The following MACC1 variants were observed in gnomAD, a reference collection of about 807,000 sequenced individuals.
MACC1 encodes MET transcriptional regulator MACC1, also known as metastasis-associated in colon cancer protein 1.
Under a neutral mutation model 70.7 loss-of-function variants are expected in MACC1, and 79 were observed. That is an observed-to-expected ratio of 1.12 (90% CI 0.93 to 1.35). The LOEUF (loss-of-function observed/expected upper bound fraction) is 1.35. Ranked by LOEUF, MACC1 falls within the 40% of genes most tolerant of loss-of-function variation. MACC1 has a pLI of 0.00. For missense variants in MACC1, 1,106 were observed against 978.1 expected, an observed-to-expected ratio of 1.13 and a Z score of -1.74; for synonymous variants, 361 against 347.2, an observed-to-expected ratio of 1.04 and a Z score of -0.44.
At position 20,154,356 on chromosome 7, in the gene MACC1, T is replaced by G. The variant is rs12671170; in HGVS notation, c.2183A>C (p.Glu728Ala). 5.3e-3 allele frequency: 8,508 copies of G among 1,613,658 alleles called. 280 individuals are homozygous for G. In the Admixed American group the frequency reaches 0.064, roughly 12 times the overall value. The change falls in exon 6 of 7, where the codon GAG becomes GCG. Residue 728 changes from glutamate (E) to alanine (A), a missense_variant. Coordinates refer to ENST00000400331, the MANE Select transcript of MACC1 (RefSeq NM_182762.4). ...IVALLKMDCQ[E>A]LVARLIQEAA... The stretch of plus-strand genomic sequence containing the variant: ...TTCTTGGATGAGACGTGCGACTAAC[T>G]CTTGGCAATCCATTTTCAGAAGAGC...
chr7:20,177,012 A>T (rs1296033678), intron 1 of MACC1, among the ~76,000 whole-genome samples: 2 of 151,956 alleles, frequency 1.3e-5, no homozygotes, highest in Non-Finnish European at 2.9e-5. Context: ...TGGCAGTTAT[A>T]CAAATCTACA....
At chr7:20,149,232 T>G (rs1217871638) in intron 6 of MACC1, among the ~76,000 whole-genome samples, 3 of 152,132 alleles carry the variant, frequency 2.0e-5, no homozygotes. Flanking sequence ...AACTGCTAAC[T>G]TTTTCCTTAC....
At chr7:20,181,752 T>C (rs961419186) in intron 1 of MACC1, among the ~76,000 whole-genome samples, 3 of 152,108 alleles carry the variant, frequency 2.0e-5, no homozygotes, top group Non-Finnish European at 2.9e-5. Flanking sequence ...GTTAATTTCC[T>C]TCACAGTAAC....
intron 1 of MACC1, among the ~76,000 whole-genome samples, chr7:20,191,874 T>C (rs970735676): frequency 2.0e-5 from 3 of 152,214 alleles, no homozygotes; most frequent in African/African-American, 7.2e-5. Flanking sequence ...GCACACCTAC[T>C]GTCTTCAATG....
chr7:20,172,900 G>A (rs891952779), intron 1 of MACC1, among the ~76,000 whole-genome samples: 2 of 152,148 alleles, frequency 1.3e-5, no homozygotes, highest in East Asian at 3.9e-4. Flanking sequence ...CTGGGGAGAC[G>A]GGAAAAAGCC....
intron 1 of MACC1, among the ~76,000 whole-genome samples, chr7:20,188,044 C>T (rs573263072): frequency 6.7e-4 from 102 of 152,234 alleles, no homozygotes; most frequent in African/African-American, 2.4e-3. Flanking sequence ...CACATGATAG[C>T]AGTAAGGAGA....
At chr7:20,154,889 T>G (rs948292076) in intron 5 of MACC1, among the ~76,000 whole-genome samples, 1 of 151,912 alleles carries the variant, frequency 6.6e-6, no homozygotes, top group Non-Finnish European at 1.5e-5. Context: ...CCCAGAATCA[T>G]GCCTGCTGTG....
In MACC1 at chr7:20,158,805, C is replaced by A. The variant is rs778774120; in HGVS notation, c.1556G>T (p.Gly519Val). 17 of 1,613,964 alleles carry A rather than the reference C, an allele frequency of 1.1e-5. No individual in the cohort carries two copies. In the South Asian group the frequency reaches 1.6e-4, roughly 16 times the overall value. ...GATTTCCTCCTTCTTCTGCAAATAGCCTGGCAGATTCGAGAGTCTTTTTAG... is the reference window on the plus strand; with the variant it reads ...GATTTCCTCCTTCTTCTGCAAATAGACTGGCAGATTCGAGAGTCTTTTTAG... ...PNLKRLSNLP[G>V]YLQKKEEIKS... Residue 519 changes from glycine (G) to valine (V), a missense_variant, in exon 5 of 7, where the codon GGC becomes GTC. Physicochemically the swap from Gly to Val is moderately radical, Grantham distance 109 (BLOSUM62 -3). Transcript: ENST00000400331.
chr7:20,202,049 T>C (rs1427817660), intron 1 of MACC1, among the ~76,000 whole-genome samples: 2 of 152,244 alleles, frequency 1.3e-5, no homozygotes, highest in Admixed American at 6.5e-5. Flanking sequence ...ATTTTATTTA[T>C]CTTCATTTGT....
rs1169235340 is a variant in MACC1, at chr7:20,159,788, G to A, written c.573C>T (p.Ser191=). The A allele has an allele frequency of 2.5e-6, 4 of 1,614,116 alleles. No individual in the cohort carries two copies. The change falls in exon 5 of 7, where the codon TCC becomes TCT. Residue 191 remains serine, a synonymous_variant. Coordinates refer to ENST00000400331, the MANE Select transcript of MACC1 (RefSeq NM_182762.4). ...AWLSQRQLAR[S]CLDLNTISQS... The stretch of plus-strand genomic sequence containing the variant: ...GACTAATTGTATTCAAATCAAGGCA[G>A]GAGCGGGCCAGCTGGCGTTGACTTA...
chr7:20,159,032 A>C lies in MACC1; in HGVS notation c.1329T>G (p.Asp443Glu), dbSNP rs1449686269. The stretch of plus-strand genomic sequence containing the variant: ...TTTCTCCTTCTGTCTTTACTTCAAA[A>C]TCAGGATCACAGGAAAAAATAGAAA... ...LSISIFSCDP[D>E]FEVKTEGERK... The change falls in exon 5 of 7, where the codon GAT becomes GAG. Residue 443 changes from aspartate (D) to glutamate (E), a missense_variant. By Grantham distance (45) the Asp-to-Glu change is conservative. Transcript: ENST00000400331. 6.2e-7 allele frequency: 1 copy of C among 1,613,948 alleles called. No homozygotes were observed. The highest frequency in any genetic ancestry group is 8.5e-7 in the Non-Finnish European group (1 of 1,180,016).
chr7:20,167,810 C>T (rs1010261177), intron 2 of MACC1, among the ~76,000 whole-genome samples: 2 of 152,024 alleles, frequency 1.3e-5, no homozygotes, highest in Non-Finnish European at 2.9e-5. Context: ...AACACAGAGC[C>T]CCACTCTTGG....
chr7:20,207,159 TAGAC>T (rs1356369231), intron 1 of MACC1, among the ~76,000 whole-genome samples: 1 of 151,946 alleles, frequency 6.6e-6, no homozygotes, highest in African/African-American at 2.4e-5. Flanking sequence ...TTTTTTTTTT[TAGAC>T]AGAGTCTTGC....
chr7:20,158,623 G>T lies in MACC1; in HGVS notation c.1738C>A (p.Leu580Ile). 1 of 1,614,038 alleles carries T rather than the reference G, an allele frequency of 6.2e-7. No homozygotes were observed. Among genetic ancestry groups the T allele is most frequent in the Non-Finnish European group, 8.5e-7 (1 of 1,179,974 alleles). The change falls in exon 5 of 7, where the codon CTC (leucine) becomes ATC (isoleucine). Residue 580 changes from leucine to isoleucine, a missense_variant. Transcript: ENST00000400331. The stretch of plus-strand genomic sequence containing the variant: ...GCTTTTACCTTACCTTCCCCGAGGA[G>T]AGCTATTGTGTCCCCTTTGAAATAT... ...LEYFKGDTIA[L>I]LGEGKVKAIG...
chr7:20,146,555 ATT>A (rs1374933242), intron 6 of MACC1, among the ~76,000 whole-genome samples: 1 of 152,178 alleles, frequency 6.6e-6, no homozygotes, highest in Non-Finnish European at 1.5e-5. Context: ...AGAATAAATA[ATT>A]TTCTTTCCGG....
chr7:20,152,821 A>C (rs1782000234), intron 6 of MACC1, among the ~76,000 whole-genome samples: 1 of 152,220 alleles, frequency 6.6e-6, no homozygotes, highest in East Asian at 1.9e-4. Flanking sequence ...AACTCTGATA[A>C]ATAACTCTCA....
intron 1 of MACC1, among the ~76,000 whole-genome samples, chr7:20,175,573 T>C (rs3114438): frequency 0.6 from 91,703 of 152,000 alleles, 28,551 homozygotes; most frequent in East Asian, 0.9. Flanking sequence ...TATATGCATA[T>C]ATGTTCATGA....
intron 1 of MACC1, among the ~76,000 whole-genome samples, chr7:20,185,603 T>C (rs915582156): frequency 7.2e-5 from 11 of 152,190 alleles, no homozygotes; most frequent in South Asian, 4.1e-4. Flanking sequence ...AATCAATTAC[T>C]TTTAATATTT....
At position 20,171,549 on chromosome 7, in the gene MACC1, C is replaced by T. The variant is rs182105812; in HGVS notation, c.-217-771G>A. On this transcript the variant is annotated intron_variant, in intron 1 of 6. Transcript: ENST00000400331. ...GATTACAGGCATGAGCCACCACGCC[C>T]GGCTGATTATTTTCTTTCTTAGAGA... Among the ~76,000 whole-genome samples, 40 of 150,810 alleles carry T rather than the reference C, an allele frequency of 2.7e-4. 3 individuals are homozygous for T. The highest frequency in any genetic ancestry group is 8.8e-4 in the African/African-American group (36 of 41,026).
Sources: allele counts gnomAD v4.1 joint callset (sites outside exome capture counted in the v4.1 genomes callset), GRCh38; gene constraint gnomAD v4.1.1; transcripts MANE v1.5; gene names NCBI Gene and HGNC (gene_info 2026-07-23, HGNC 2026-07-21).